Variants in DTNA observed in about 807,000 individuals in gnomAD.
The protein encoded by DTNA is dystrophin-related protein 3.
Under a neutral mutation model 100.7 loss-of-function variants are expected in DTNA, and 43 were observed. The ratio of observed to expected loss-of-function variants is 0.43; its 90% CI spans 0.33 to 0.55. DTNA has a LOEUF of 0.55. Ranked by LOEUF, DTNA falls within the 20% of genes least tolerant of loss-of-function variation. The pLI, the probability that DTNA is intolerant of heterozygous loss-of-function variation, is 0.04. For synonymous variants in DTNA, 349 were observed against 347.9 expected, an observed-to-expected ratio of 1.00 and a Z score of -0.04; for missense variants, 798 against 953.9, an observed-to-expected ratio of 0.84 and a Z score of 2.15.
chr18:34,881,560 A>G (rs2096873877), intron 20 of DTNA, among the ~76,000 whole-genome samples: 1 of 150,636 alleles, frequency 6.6e-6, no homozygotes, highest in African/African-American at 2.5e-5. Context: ...TAAGGCATGA[A>G]TGTGGTATGC....
chr18:34,814,208 G>A (rs973742384), intron 6 of DTNA, among the ~76,000 whole-genome samples: 4 of 152,044 alleles, frequency 2.6e-5, no homozygotes. Context: ...TCTGACTCAA[G>A]GAAATGTAAC....
At chr18:34,676,248 A>G (rs72953213) in intron 1 of DTNA, among the ~76,000 whole-genome samples, 7,399 of 152,228 alleles carry the variant, frequency 0.049, 281 homozygotes, top group Non-Finnish European at 0.076. Flanking sequence ...GTGTCCTCCA[A>G]TTTGAGGGGG....
At chr18:34,729,187 A>G (rs2087485109) in intron 1 of DTNA, among the ~76,000 whole-genome samples, 1 of 152,236 alleles carries the variant, frequency 6.6e-6, no homozygotes. Context: ...GTGGAATTAT[A>G]TAAGGAAAAT....
chr18:34,743,737 G>C (rs541166324), intron 1 of DTNA, among the ~76,000 whole-genome samples: 13 of 152,228 alleles, frequency 8.5e-5, no homozygotes, highest in African/African-American at 2.6e-4. Flanking sequence ...CAGTAGCGAG[G>C]AAGGGGATTT....
At chr18:34,887,321 G>A (rs969071319) in intron 22 of DTNA, among the ~76,000 whole-genome samples, 28 of 152,148 alleles carry the variant, frequency 1.8e-4, no homozygotes, top group Non-Finnish European at 1.0e-4. Context: ...ATTTGTCCCT[G>A]TTACATCCTG....
At chr18:34,642,224 A>T (rs1392853356) in intron 1 of DTNA, among the ~76,000 whole-genome samples, 1 of 152,164 alleles carries the variant, frequency 6.6e-6, no homozygotes, top group Non-Finnish European at 1.5e-5. Flanking sequence ...TGAATGTGGC[A>T]TCAGGATGAC....
intron 1 of DTNA, among the ~76,000 whole-genome samples, chr18:34,595,655 A>T (rs559179962): frequency 6.6e-6 from 1 of 152,212 alleles, no homozygotes; most frequent in East Asian, 1.9e-4. Flanking sequence ...GCTAGTTCTC[A>T]TTCATGGTGT....
At chr18:34,498,048 AGGT>A (rs1568538129) in intron 1 of DTNA, among the ~76,000 whole-genome samples, 15 of 152,268 alleles carry the variant, frequency 9.9e-5, no homozygotes, top group African/African-American at 3.1e-4. Context: ...TGGGAGGCCA[AGGT>A]GGATGGATCA....
chr18:34,861,655 G>A (rs1288504387), intron 16 of DTNA, among the ~76,000 whole-genome samples: 1 of 152,150 alleles, frequency 6.6e-6, no homozygotes, highest in Non-Finnish European at 1.5e-5. Context: ...CTCCTTGGAA[G>A]GTGGAGGTTA....
rs142698496 is a variant in DTNA, at chr18:34,843,021, T to C, written c.1346+4184T>C. Among the ~76,000 whole-genome samples the C allele has an allele frequency of 2.9e-3, 442 of 152,248 alleles. 1 individual carries two copies. Among genetic ancestry groups the C allele is most frequent in the Middle Eastern group, 6.8e-3 (2 of 294 alleles). ...AGCACAGTGCCAGGCACATAGTAGG[T>C]GCTCAATAAACATCTGTTGATATTG... On this transcript the variant is annotated intron_variant, in intron 13 of 22. Transcript: ENST00000444659.
upstream of DTNA, chr18:34,709,348 T>C (rs1310832808): frequency 1.3e-5 from 2 of 152,212 alleles, no homozygotes; most frequent in Non-Finnish European, 2.9e-5. Context: ...AGAGTGATTA[T>C]GCGAGGCCTG....
At chr18:34,581,873 C>T (rs559578131) in intron 1 of DTNA, among the ~76,000 whole-genome samples, 13 of 152,174 alleles carry the variant, frequency 8.5e-5, no homozygotes, top group Middle Eastern at 3.4e-3. Context: ...CCGCCCACCT[C>T]GGCCTCCCAA....
In DTNA at chr18:34,552,378, AT is replaced by A. The variant is rs911313193; in HGVS notation, c.-2+58874del. 3.9e-3 allele frequency among the ~76,000 whole-genome samples: 585 copies of A among 149,106 alleles called. 4 individuals are homozygous for A. Among genetic ancestry groups the A allele is most frequent in the African/African-American group, 0.013 (514 of 40,716 alleles). On this transcript the variant is annotated intron_variant, in intron 1 of 19. Coordinates refer to the DTNA transcript ENST00000283365. ...TTGGTTTGCTTATTTTTTTTTAACT[AT>A]TTTTTTTTTAAATTATACTTTAAGT...
chr18:34,828,128 G>A (rs2095904521), intron 10 of DTNA, among the ~76,000 whole-genome samples: 1 of 152,152 alleles, frequency 6.6e-6, no homozygotes, highest in Non-Finnish European at 1.5e-5. Flanking sequence ...GAGGCTAGAG[G>A]ATAAAGACCA....
intron 2 of DTNA, among the ~76,000 whole-genome samples, chr18:34,756,284 A>G (rs1216288118): frequency 6.6e-6 from 1 of 152,204 alleles, no homozygotes; most frequent in East Asian, 1.9e-4. Context: ...TTATAGATTT[A>G]TATATTTACA....
At chr18:34,701,993 A>G (rs904588892) in intron 1 of DTNA, among the ~76,000 whole-genome samples, 3 of 152,140 alleles carry the variant, frequency 2.0e-5, no homozygotes, top group Non-Finnish European at 2.9e-5. Context: ...TATCACTATT[A>G]TCATTGAAAT....
intron 1 of DTNA, among the ~76,000 whole-genome samples, chr18:34,540,537 T>C (rs1477669647): frequency 6.6e-6 from 1 of 152,018 alleles, no homozygotes; most frequent in Non-Finnish European, 1.5e-5. Context: ...ACAGTGACTT[T>C]ATTAACATCT....
intron 3 of DTNA, among the ~76,000 whole-genome samples, chr18:34,778,965 C>T (rs530649704): frequency 1.3e-5 from 2 of 151,786 alleles, no homozygotes; most frequent in African/African-American, 2.4e-5. Context: ...CTACAGGCGC[C>T]CGCCACCATG....
intron 1 of DTNA, among the ~76,000 whole-genome samples, chr18:34,633,644 G>A (rs1332211709): frequency 6.6e-6 from 1 of 152,070 alleles, no homozygotes; most frequent in African/African-American, 2.4e-5. Context: ...TCACTTTTAA[G>A]TATGGTATGT....
Sources: gnomAD v4.1 joint callset for allele counts (sites outside exome capture counted in the v4.1 genomes callset) on GRCh38, gnomAD v4.1.1 for gene constraint, MANE v1.5 for transcripts, NCBI Gene and HGNC (gene_info 2026-07-23, HGNC 2026-07-21) for gene names.